CIB1: variants seen among roughly 807,000 people sequenced by gnomAD.
CIB1 encodes calcium and integrin binding 1, also known as calcium and integrin-binding protein 1.
A neutral mutation model predicts 25.0 loss-of-function variants in CIB1; 19 were observed. The ratio of observed to expected loss-of-function variants is 0.76; its 90% CI spans 0.53 to 1.12. The LOEUF (loss-of-function observed/expected upper bound fraction) is 1.12, where lower values mean the gene tolerates loss of function less well. Ranked by LOEUF, CIB1 falls within the 50% of genes most tolerant of loss-of-function variation. The pLI is 0.00. For missense variants in CIB1, 236 were observed against 242.6 expected (o/e 0.97, Z 0.18); for synonymous variants, 104 against 98.5 (o/e 1.06, Z -0.33).
At chr15:90,240,907 C>T in the CIB1 span, 1 of 1,610,316 alleles carries the variant, frequency 6.2e-7, no homozygotes, top group South Asian at 1.1e-5. Context: ...CAGGTCAGCT[C>T]TATGGCTCTT....
chr15:90,255,091 T>A, the CIB1 span, among the ~76,000 whole-genome samples: 4 of 152,244 alleles, frequency 2.6e-5, no homozygotes, highest in Non-Finnish European at 1.5e-5. Flanking sequence ...TCTTTGTGGC[T>A]GTCCCCCTGT....
intron 2 of CIB1, 136 bp from the exon 3 acceptor site, chr15:90,232,463 G>C: frequency 7.2e-7 from 1 of 1,390,490 alleles, no homozygotes; most frequent in South Asian, 1.6e-5. Flanking sequence ...GAGTCATCAG[G>C]CAACGGTAAG....
chr15:90,235,180 A>G (rs56288607), upstream of CIB1, among the ~76,000 whole-genome samples: 3,147 of 152,228 alleles, frequency 0.021, 98 homozygotes, highest in African/African-American at 0.069. Flanking sequence ...CTGCCTAGGA[A>G]TCTACTTTAC....
At chr15:90,251,520 A>G in the CIB1 span, 1 of 1,601,540 alleles carries the variant, frequency 6.2e-7, no homozygotes, top group Admixed American at 1.7e-5. Context: ...CTTCCCTCCC[A>G]CTCTTCCTGA....
At chr15:90,256,545 T>C in the CIB1 span, among the ~76,000 whole-genome samples, 1,440 of 105,204 alleles carry the variant, frequency 0.014, 48 homozygotes, top group African/African-American at 0.044. Flanking sequence ...TCTCCTTCCT[T>C]TTTCTTTCTT....
chr15:90,256,571 TTC>T, the CIB1 span, among the ~76,000 whole-genome samples: 14 of 30,260 alleles, frequency 4.6e-4, no homozygotes, highest in Middle Eastern at 0.027. Flanking sequence ...CTTTCTTTCT[TTC>T]TTTCTTTCTT....
In CIB1 at chr15:90,230,920, GA is replaced by G. The variant is rs1567068224; in HGVS notation, c.554+13del. On this transcript the variant is annotated intron_variant, in intron 6 of 6. Transcript: ENST00000328649. Reference sequence around the variant, plus strand: ...CCTGCAGGTACCCAGAATGAAGGGGGACCACTGTCATACCTGGCAAAGTCTG... The same window carrying G: ...CCTGCAGGTACCCAGAATGAAGGGGGCCACTGTCATACCTGGCAAAGTCTG... The G allele has an allele frequency of 6.2e-7, 1 of 1,607,676 alleles. No homozygotes were observed. Among genetic ancestry groups the G allele is most frequent in the South Asian group, 1.1e-5 (1 of 90,936 alleles).
chr15:90,241,024 A>G, the CIB1 span: 1 of 1,614,120 alleles, frequency 6.2e-7, no homozygotes, highest in Non-Finnish European at 8.5e-7. Context: ...CTCATGGCAG[A>G]AGGGATTCAG....
At chr15:90,232,480 G>T in intron 2 of CIB1, 153 bp from the exon 3 acceptor site, 1 of 1,292,276 alleles carries the variant, frequency 7.7e-7, no homozygotes, top group Non-Finnish European at 1.0e-6. Flanking sequence ...TAAGCAAAAG[G>T]ACATGTCACA....
intron 2 of CIB1, among the ~76,000 whole-genome samples, chr15:90,232,707 G>A (rs879779403): frequency 3.3e-5 from 5 of 152,146 alleles, no homozygotes; most frequent in Non-Finnish European, 7.3e-5. Context: ...AGGCGTCTGA[G>A]ACCAGTCTGA....
At chr15:90,256,621 C>CT in the CIB1 span, among the ~76,000 whole-genome samples, 1 of 69,668 alleles carries the variant, frequency 1.4e-5, no homozygotes, top group African/African-American at 5.4e-5. Flanking sequence ...TTCCTTCCTT[C>CT]CTTCCTTCCT....
At chr15:90,255,820 C>A in the CIB1 span, 1 of 1,614,066 alleles carries the variant, frequency 6.2e-7, no homozygotes, top group East Asian at 2.2e-5. Flanking sequence ...GGAACCTCAA[C>A]CGCATGTACA....
upstream of CIB1, among the ~76,000 whole-genome samples, chr15:90,238,160 C>T (rs1173161664): frequency 2.6e-5 from 4 of 152,016 alleles, no homozygotes; most frequent in Admixed American, 6.6e-5. Flanking sequence ...ATTAGCCGGG[C>T]GTGGTGACAC....
chr15:90,263,579 T>C, the CIB1 span: 4 of 570,658 alleles, frequency 7.0e-6, no homozygotes, highest in Admixed American at 6.1e-5. Context: ...CCTGGGCTGG[T>C]AGCAAACCTG....
chr15:90,239,142 A>T, the CIB1 span, among the ~76,000 whole-genome samples: 7 of 152,164 alleles, frequency 4.6e-5, no homozygotes, highest in Non-Finnish European at 1.0e-4. Context: ...AAAAGTCAAG[A>T]TCCATCTATG....
intron 3 of CIB1, 56 bp downstream of exon 3, chr15:90,232,163 G>A: frequency 7.3e-7 from 1 of 1,371,096 alleles, no homozygotes; most frequent in Non-Finnish European, 1.0e-6. Context: ...TGGAGTTAGG[G>A]GGTCTAGCAG....
At chr15:90,232,925 G>A (rs1962535539) in intron 2 of CIB1, among the ~76,000 whole-genome samples, 1 of 137,796 alleles carries the variant, frequency 7.3e-6, no homozygotes, top group Non-Finnish European at 1.6e-5. Flanking sequence ...GCGAGACGCT[G>A]TCTCAAAAAA....
chr15:90,264,584 T>C, the CIB1 span: 5 of 989,710 alleles, frequency 5.1e-6, no homozygotes, highest in East Asian at 1.0e-4. Context: ...CCAATTACAA[T>C]ACAGTGTGGG....
At chr15:90,253,443 C>A in the CIB1 span, 1 of 1,011,930 alleles carries the variant, frequency 9.9e-7, no homozygotes, top group Non-Finnish European at 1.5e-6. Context: ...TGCCCAGGCA[C>A]CCAAGACTGC....
Sources: allele counts gnomAD v4.1 joint callset (sites outside exome capture counted in the v4.1 genomes callset), GRCh38; gene constraint gnomAD v4.1.1; transcripts MANE v1.5; gene names NCBI Gene and HGNC (gene_info 2026-07-23, HGNC 2026-07-21).